Variants in RTKN observed in about 807,000 individuals in gnomAD.
The protein encoded by RTKN is rhotekin.
RTKN carries 49 observed loss-of-function variants against 63.5 expected under a neutral mutation model. That is an observed-to-expected ratio of 0.77 (90% CI 0.61 to 0.98). The LOEUF (loss-of-function observed/expected upper bound fraction) is 0.98. Among genes scored for constraint, RTKN ranks in the 50% least tolerant of loss-of-function variants. RTKN has a pLI of 0.00. For missense variants in RTKN, 685 were observed against 740.8 expected (o/e 0.92, Z 0.87); for synonymous variants, 295 against 290.4 (o/e 1.02, Z -0.16).
intron 1 of RTKN, among the ~76,000 whole-genome samples, chr2:74,433,592 C>G (rs987324178): frequency 8.6e-5 from 13 of 151,650 alleles, no homozygotes; most frequent in Non-Finnish European, 7.4e-5. Flanking sequence ...GGGGTTCATG[C>G]CATTCTCCTG....
rs1270073375 is a variant in RTKN, at chr2:74,428,885, A to G, written c.813T>C (p.Asp271=). The change falls in exon 7 of 12, where the codon GAT becomes GAC. Residue 271 remains aspartate, a synonymous_variant. Transcript: ENST00000272430. The stretch of plus-strand genomic sequence containing the variant: ...GGGTGAGGTCATGTGTGCGGAATCC[A>G]TCTTGCACTGCTGCCAGGGTGAGTG... ...HTTLTLAAVQ[D]GFRTHDLTLA... The G allele has an allele frequency of 5.0e-6, 8 of 1,614,006 alleles. No individual in the cohort carries two copies. Among genetic ancestry groups the G allele is most frequent in the Admixed American group, 3.3e-5 (2 of 60,008 alleles).
intron 1 of RTKN, among the ~76,000 whole-genome samples, chr2:74,434,422 G>C (rs139692245): frequency 2.0e-5 from 3 of 152,010 alleles, no homozygotes; most frequent in Admixed American, 2.0e-4. Flanking sequence ...TGGGATTACA[G>C]GTGTGAGCCA....
chr2:74,433,039 C>T (rs1250533616), intron 1 of RTKN, among the ~76,000 whole-genome samples: 5 of 151,950 alleles, frequency 3.3e-5, no homozygotes, highest in African/African-American at 7.3e-5. Flanking sequence ...GCCAGGAGAT[C>T]GAGACCATCC....
intron 2 of RTKN, chr2:74,431,623 CT>C (rs1192923474): frequency 6.6e-6 from 1 of 152,388 alleles, no homozygotes; most frequent in Non-Finnish European, 1.5e-5. Context: ...CTTGCCCTTC[CT>C]CTAGCTTCAT....
chr2:74,430,511 C>T lies in RTKN; in HGVS notation c.381G>A (p.Arg127=). The stretch of plus-strand genomic sequence containing the variant: ...CTGTGTCCTTCCACATGAGTGGAAT[C>T]CGGAGGTCTAAGGGGCAGAGGGGTA... ...CRGRVCISDL[R]IPLMWKDTEY... Residue 127 remains arginine, a synonymous_variant, in exon 4 of 12, where the codon CGG becomes CGA. Transcript: ENST00000272430. 6.2e-7 allele frequency: 1 copy of T among 1,614,142 alleles called. No individual in the cohort carries two copies. The highest frequency in any genetic ancestry group is 8.5e-7 in the Non-Finnish European group (1 of 1,179,974).
chr2:74,428,530 T>A, intron 8 of RTKN, 101 bp downstream of exon 8: 1 of 1,554,612 alleles, frequency 6.4e-7, no homozygotes, highest in Admixed American at 1.8e-5. Context: ...ACCCCATTTC[T>A]TCCACCCAAA....
chr2:74,427,523 G>C lies in RTKN; in HGVS notation c.1156C>G (p.Gln386Glu). 6.2e-7 allele frequency: 1 copy of C among 1,614,124 alleles called. No homozygotes were observed. Among genetic ancestry groups the C allele is most frequent in the Non-Finnish European group, 8.5e-7 (1 of 1,180,028 alleles). Residue 386 changes from glutamine to glutamate, a missense_variant, in exon 10 of 12, where the codon CAG becomes GAG. By Grantham distance (29) the Gln-to-Glu change is conservative (BLOSUM62 2). Transcript: ENST00000272430. The part of the protein sequence containing the change: ...GRPFTLSISN[Q>E]YGDDEVTHTL... Reference sequence around the variant, plus strand: ...TGTGTCACCTCATCATCCCCATACTGGTTACTGATGCTTAGGGTGAAGGGC... The same window carrying C: ...TGTGTCACCTCATCATCCCCATACTCGTTACTGATGCTTAGGGTGAAGGGC...
In RTKN at chr2:74,429,959, G is replaced by A. The variant is rs146622121; in HGVS notation, c.624C>T (p.Gly208=). ...ACVEEEGALT[G]GPKRLATKLS... The stretch of plus-strand genomic sequence containing the variant: ...GTTTGGTGGCAAGCCTCTTGGGGCC[G>A]CCAGTCAGGGCCCCCTCTTCTTCCA... The change falls in exon 6 of 12, where the codon GGC becomes GGT. Residue 208 remains glycine (G), a synonymous_variant. Coordinates refer to ENST00000272430, the MANE Select transcript of RTKN (RefSeq NM_001015055.2). 279 of 1,614,092 alleles carry A rather than the reference G, an allele frequency of 1.7e-4. No individual in the cohort carries two copies. In the African/African-American group the frequency reaches 3.1e-3, roughly 18 times the overall value.
chr2:74,432,266 G>C, intron 2 of RTKN: 1 of 706,838 alleles, frequency 1.4e-6, no homozygotes, highest in Non-Finnish European at 2.6e-6. Flanking sequence ...ACTTTTCTAA[G>C]TCCTGCCCTG....
chr2:74,441,573 A>G (rs1671366598), intron 1 of RTKN, 133 bp downstream of exon 1: 1 of 640,512 alleles, frequency 1.6e-6, no homozygotes, highest in African/African-American at 1.8e-5. Flanking sequence ...TAAGTCAACA[A>G]CTCCGTCGGG....
chr2:74,429,836 T>G lies in RTKN; in HGVS notation c.747A>C (p.Pro249=), dbSNP rs934121353. The change falls in exon 6 of 12, where the codon CCA becomes CCC. Residue 249 remains proline (P), a synonymous_variant. Transcript: ENST00000272430. ...SGSSPILLPT[P]VVGGPRYHLL... ...GGTGTGCAAGGCCTTACCCAACAAC[T>G]GGGGTGGGGAGCAAGATGGGACTGC... is the stretch of plus-strand genomic sequence containing the variant. The G allele has an allele frequency of 2.5e-6, 4 of 1,613,570 alleles. No homozygotes were observed. The highest frequency in any genetic ancestry group is 3.4e-6 in the Non-Finnish European group (4 of 1,179,830).
intron 1 of RTKN, among the ~76,000 whole-genome samples, chr2:74,433,215 C>A (rs1437473073): frequency 6.7e-6 from 1 of 149,910 alleles, no homozygotes; most frequent in Admixed American, 6.7e-5. Context: ...TGCACCCCAG[C>A]CTGGACGACA....
At position 74,432,688 on chromosome 2, in the gene RTKN, G is replaced by T. The variant is rs755379803; in HGVS notation, c.112-22C>A. 5.6e-6 allele frequency: 9 copies of T among 1,611,334 alleles called. No individual in the cohort carries two copies. In the Admixed American group the frequency reaches 6.7e-5, roughly 12 times the overall value. On this transcript the variant is annotated intron_variant, in intron 1 of 11. Coordinates refer to ENST00000272430, the MANE Select transcript of RTKN (RefSeq NM_001015055.2). ...TGTCCTAGCCAGGGTTGGGGGAAGG[G>T]TGAGAAGGAAATGTCAGTCAGTGGA...
In RTKN at chr2:74,432,663, T is replaced by C. The variant is rs1670825521; in HGVS notation, c.115A>G (p.Thr39Ala). The C allele has an allele frequency of 6.2e-7, 1 of 1,614,084 alleles. No individual in the cohort carries two copies. Among genetic ancestry groups the C allele is most frequent in the Non-Finnish European group, 8.5e-7 (1 of 1,179,992 alleles). ...TGGTCTAGCTTCCTCTGCAACTCCG[T>C]GTCCTAGCCAGGGTTGGGGGAAGGG... ...LSLFSDLPED[T>A]ELQRKLDHEI... Residue 39 changes from threonine (T) to alanine (A), a missense_variant, in exon 2 of 12, where the codon ACG (threonine) becomes GCG (alanine). Thr to Ala is a moderately conservative substitution (Grantham distance 58). Transcript: ENST00000272430.
Position 74,430,531 on chromosome 2 carries a change from G to C in RTKN, c.374-13C>G, listed in dbSNP as rs750722926. 6.2e-7 allele frequency: 1 copy of C among 1,614,150 alleles called. No individual in the cohort carries two copies. Among genetic ancestry groups the C allele is most frequent in the Admixed American group, 1.7e-5 (1 of 60,028 alleles). On this transcript the variant is annotated splice_polypyrimidine_tract_variant and intron_variant, in intron 3 of 11. Transcript: ENST00000272430. ...GGAATCCGGAGGTCTAAGGGGCAGA[G>C]GGGTAAGAATAGATGTTGAGATGGG...
chr2:74,427,731 T>A, intron 9 of RTKN, 139 bp from the exon 10 acceptor site: 2 of 883,436 alleles, frequency 2.3e-6, no homozygotes, highest in Non-Finnish European at 3.5e-6. Flanking sequence ...CTGACCAGAG[T>A]AGGAAGGAAT....
At chr2:74,435,084 C>T (rs1413053157) in intron 1 of RTKN, among the ~76,000 whole-genome samples, 3 of 152,100 alleles carry the variant, frequency 2.0e-5, no homozygotes, top group African/African-American at 7.2e-5. Context: ...CACCACCTAC[C>T]GGCCCTCTGA....
rs142913266 is a variant in RTKN, at chr2:74,428,693, G to C, written c.895C>G (p.Arg299Gly). ...WLPLYGSVCC[R>G]LAAQPLCMTQ... The stretch of plus-strand genomic sequence containing the variant: ...ATGCAGAGAGGCTGAGCTGCCAGAC[G>C]GCAACACACGCTACCATAAAGGGGC... Residue 299 changes from arginine (R) to glycine (G), a missense_variant, in exon 8 of 12, where the codon CGT becomes GGT. Transcript: ENST00000272430. 1.6e-4 allele frequency: 264 copies of C among 1,613,984 alleles called. No individual in the cohort carries two copies. Among genetic ancestry groups the C allele is most frequent in the Non-Finnish European group, 2.1e-4 (245 of 1,179,982 alleles).
chr2:74,433,491 A>ATTT (rs34033427), intron 1 of RTKN, among the ~76,000 whole-genome samples: 1 of 142,330 alleles, frequency 7.0e-6, no homozygotes, highest in Non-Finnish European at 1.5e-5. Flanking sequence ...TCAGTGCGGC[A>ATTT]TTTTTTTTTT....
Sources: gnomAD v4.1 joint callset for allele counts (sites outside exome capture counted in the v4.1 genomes callset) on GRCh38, gnomAD v4.1.1 for gene constraint, MANE v1.5 for transcripts, NCBI Gene and HGNC (gene_info 2026-07-23, HGNC 2026-07-21) for gene names.